Variants in UNC13C observed in about 807,000 individuals in gnomAD.
The protein encoded by UNC13C is protein unc-13 homolog C.
In UNC13C, 174 loss-of-function variants were observed where a neutral mutation model predicts 245.4. That is an observed-to-expected ratio of 0.71 (90% CI 0.63 to 0.80). The LOEUF (loss-of-function observed/expected upper bound fraction) is 0.80, where lower values mean the gene tolerates loss of function less well. Ranked by LOEUF, UNC13C falls within the 30% of genes least tolerant of loss-of-function variation. UNC13C has a pLI of 0.00. For missense variants in UNC13C, 2,829 were observed against 2,602.9 expected (o/e 1.09, Z -1.89); for synonymous variants, 992 against 895.1 (o/e 1.11, Z -1.93).
chr15:54,459,012 A>G (rs1260961060), intron 19 of UNC13C, among the ~76,000 whole-genome samples: 1 of 151,960 alleles, frequency 6.6e-6, no homozygotes, highest in South Asian at 2.1e-4. Flanking sequence ...TGCTTTAAAG[A>G]GATTCTATTT....
At chr15:53,994,547 GAA>G (rs1267029096) in intron 1 of UNC13C, among the ~76,000 whole-genome samples, 6 of 151,948 alleles carry the variant, frequency 3.9e-5, no homozygotes, top group African/African-American at 1.4e-4. Flanking sequence ...CTCTAAAGAG[GAA>G]AAGAGGGGAG....
intron 25 of UNC13C, among the ~76,000 whole-genome samples, chr15:54,526,424 A>G (rs1417990740): frequency 1.3e-5 from 2 of 152,160 alleles, no homozygotes; most frequent in Non-Finnish European, 2.9e-5. Flanking sequence ...CAATTTTCAA[A>G]AGAGACTATA....
chr15:53,939,821 G>C, the UNC13C span, among the ~76,000 whole-genome samples: 1 of 152,066 alleles, frequency 6.6e-6, no homozygotes, highest in African/African-American at 2.4e-5. Context: ...ACGAGAGAGA[G>C]AGAGAGAGAG....
At chr15:54,033,399 A>G (rs1595743306) in intron 2 of UNC13C, among the ~76,000 whole-genome samples, 2 of 152,252 alleles carry the variant, frequency 1.3e-5, no homozygotes, top group South Asian at 4.1e-4. Flanking sequence ...ACAAGAAAAA[A>G]TTTTTGGATT....
intron 17 of UNC13C, among the ~76,000 whole-genome samples, chr15:54,343,138 CT>C (rs746795837): frequency 0.01 from 1,478 of 144,702 alleles, 3 homozygotes; most frequent in African/African-American, 0.024. Flanking sequence ...CCATGCATAA[CT>C]TTTTTTTTTT....
intron 17 of UNC13C, among the ~76,000 whole-genome samples, chr15:54,356,840 A>G (rs1371753521): frequency 2.0e-5 from 3 of 152,168 alleles, no homozygotes; most frequent in African/African-American, 7.2e-5. Flanking sequence ...GAGGAATTTC[A>G]ATTTACATTT....
intron 8 of UNC13C, among the ~76,000 whole-genome samples, chr15:54,253,041 G>T (rs947914851): frequency 2.0e-5 from 3 of 151,988 alleles, no homozygotes; most frequent in Non-Finnish European, 2.9e-5. Context: ...TTTTCTATAG[G>T]TTTCTAGTAC....
chr15:53,850,460 G>A, the UNC13C span, among the ~76,000 whole-genome samples: 1 of 151,954 alleles, frequency 6.6e-6, no homozygotes, highest in Non-Finnish European at 1.5e-5. Context: ...AAAATATTTA[G>A]GGGTGTATAA....
intron 1 of UNC13C, among the ~76,000 whole-genome samples, chr15:53,984,745 A>G (rs1382224): frequency 0.99 from 150,228 of 152,184 alleles, 74,176 homozygotes; most frequent in Middle Eastern, 1. Flanking sequence ...GAAGAGTATG[A>G]TATGCAAAGT....
downstream of UNC13C, chr15:54,630,898 C>T (rs1284749764): frequency 6.6e-6 from 1 of 151,962 alleles, no homozygotes; most frequent in Non-Finnish European, 1.5e-5. Flanking sequence ...ATATATAATC[C>T]TTTGGCATGT....
intron 10 of UNC13C, among the ~76,000 whole-genome samples, chr15:54,280,711 T>TATACATATATAAACATATGTATAC (rs771246682): frequency 0.014 from 1,890 of 134,252 alleles, 27 homozygotes; most frequent in South Asian, 0.023. Flanking sequence ...TACATACATA[T>TATACATATATAAACATATGTATAC]ATACATATAT....
At chr15:54,488,390 T>C (rs1307092183) in intron 19 of UNC13C, among the ~76,000 whole-genome samples, 1 of 152,128 alleles carries the variant, frequency 6.6e-6, no homozygotes, top group Non-Finnish European at 1.5e-5. Flanking sequence ...CTGCCAAACA[T>C]GGAGAGGGAT....
intron 29 of UNC13C, among the ~76,000 whole-genome samples, chr15:54,567,242 GAC>G (rs1385143785): frequency 6.6e-6 from 1 of 152,010 alleles, no homozygotes; most frequent in Non-Finnish European, 1.5e-5. Context: ...ATATTTATCA[GAC>G]ACAAAGTTCA....
chr15:54,544,068 C>T (rs1292318412), intron 26 of UNC13C, among the ~76,000 whole-genome samples: 2 of 152,168 alleles, frequency 1.3e-5, no homozygotes, highest in Non-Finnish European at 2.9e-5. Flanking sequence ...AAAACCAAAT[C>T]CAGCAGCACA....
At chr15:54,461,245 G>T (rs1206378716) in intron 19 of UNC13C, among the ~76,000 whole-genome samples, 2 of 151,940 alleles carry the variant, frequency 1.3e-5, no homozygotes, top group Non-Finnish European at 2.9e-5. Flanking sequence ...CTCAAATTTG[G>T]CATTTTTTGA....
rs547636514 is a variant in UNC13C, at chr15:54,522,525, T to C, written c.5458-3024T>C. Reference sequence around the variant, plus strand: ...AACAACAACAACAAAAAGTCTTGCCTACTAGCTGGCTCTCCCAGACAAGTT... The same window carrying C: ...AACAACAACAACAAAAAGTCTTGCCCACTAGCTGGCTCTCCCAGACAAGTT... On this transcript the variant is annotated intron_variant, in intron 24 of 32. Coordinates refer to ENST00000260323, the MANE Select transcript of UNC13C (RefSeq NM_001080534.3). Among the ~76,000 whole-genome samples, 674 of 152,138 alleles carry C rather than the reference T, an allele frequency of 4.4e-3. 6 individuals are homozygous for C. Among genetic ancestry groups the C allele is most frequent in the African/African-American group, 0.015 (636 of 41,490 alleles).
At chr15:53,956,786 G>A in the UNC13C span, among the ~76,000 whole-genome samples, 1 of 151,790 alleles carries the variant, frequency 6.6e-6, no homozygotes, top group African/African-American at 2.4e-5. Context: ...ATAGAACGGA[G>A]AGAAGGATTA....
chr15:54,589,501 G>A (rs948548522), intron 30 of UNC13C, among the ~76,000 whole-genome samples: 34 of 151,750 alleles, frequency 2.2e-4, no homozygotes, highest in African/African-American at 8.2e-4. Flanking sequence ...ATTTCACCAT[G>A]TTGACCAGGC....
At chr15:54,473,564 T>A (rs1220033268) in intron 19 of UNC13C, among the ~76,000 whole-genome samples, 2 of 151,754 alleles carry the variant, frequency 1.3e-5, no homozygotes, top group African/African-American at 2.4e-5. Flanking sequence ...CTCCATGAAA[T>A]CAGCGATTTT....
Sources: allele counts gnomAD v4.1 joint callset (sites outside exome capture counted in the v4.1 genomes callset), GRCh38; gene constraint gnomAD v4.1.1; transcripts MANE v1.5; gene names NCBI Gene and HGNC (gene_info 2026-07-23, HGNC 2026-07-21).